Variants in HS3ST5 observed in about 807,000 individuals in gnomAD.
HS3ST5 encodes the protein heparan sulfate glucosamine 3-O-sulfotransferase 5.
HS3ST5 carries 10 observed loss-of-function variants against 25.4 expected under a neutral mutation model. The observed-to-expected ratio is 0.39, with a 90% CI of 0.24 to 0.67. The LOEUF is 0.67. Among genes scored for constraint, HS3ST5 ranks in the 30% least tolerant of loss-of-function variants. HS3ST5 has a pLI of 0.44. For missense variants in HS3ST5, 324 were observed against 420.7 expected (o/e 0.77, Z 2.01); for synonymous variants, 170 against 162.4 (o/e 1.05, Z -0.36).
chr6:114,242,563 T>C (rs1264648422), intron 1 of HS3ST5, among the ~76,000 whole-genome samples: 1 of 152,222 alleles, frequency 6.6e-6, no homozygotes, highest in Non-Finnish European at 1.5e-5. Context: ...CCATTATCCA[T>C]GCCCACTGCT....
At chr6:114,304,516 G>A (rs937782677) in intron 1 of HS3ST5, among the ~76,000 whole-genome samples, 19 of 151,972 alleles carry the variant, frequency 1.3e-4, no homozygotes, top group African/African-American at 4.6e-4. Context: ...GGCAAAAGAA[G>A]CTTTATTTTG....
chr6:114,201,183 C>T (rs1276341639), intron 2 of HS3ST5, among the ~76,000 whole-genome samples: 2 of 152,162 alleles, frequency 1.3e-5, no homozygotes, highest in Non-Finnish European at 2.9e-5. Flanking sequence ...CTCCATAAAC[C>T]TGCTCCTCAA....
At chr6:114,163,317 G>A (rs181085485) in intron 3 of HS3ST5, among the ~76,000 whole-genome samples, 16 of 152,088 alleles carry the variant, frequency 1.1e-4, no homozygotes, top group Admixed American at 7.9e-4. Context: ...CATATTCGTC[G>A]GGCTAATACT....
At chr6:114,096,029 T>A (rs533111266) in intron 3 of HS3ST5, among the ~76,000 whole-genome samples, 20 of 152,272 alleles carry the variant, frequency 1.3e-4, no homozygotes, top group Non-Finnish European at 2.5e-4. Flanking sequence ...TTTTCCAGCA[T>A]TTGTAAGACT....
intron 1 of HS3ST5, among the ~76,000 whole-genome samples, chr6:114,234,630 G>A (rs1771768691): frequency 6.6e-6 from 1 of 152,050 alleles, no homozygotes; most frequent in Admixed American, 6.6e-5. Context: ...AAGATTAACG[G>A]AATGATGGAA....
chr6:114,069,467 C>A (rs1773657441), intron 3 of HS3ST5, among the ~76,000 whole-genome samples: 1 of 151,842 alleles, frequency 6.6e-6, no homozygotes, highest in Admixed American at 6.6e-5. Context: ...AGAACATGAC[C>A]CCATGATTGC....
chr6:114,148,974 G>A (rs953720763), intron 3 of HS3ST5, among the ~76,000 whole-genome samples: 2 of 152,148 alleles, frequency 1.3e-5, no homozygotes, highest in Non-Finnish European at 2.9e-5. Flanking sequence ...AAACAAACAT[G>A]AAAGAAAGCT....
chr6:114,312,619 G>T (rs1454611083), intron 1 of HS3ST5, among the ~76,000 whole-genome samples: 1 of 151,898 alleles, frequency 6.6e-6, no homozygotes, highest in Admixed American at 6.6e-5. Context: ...AAATATTTCT[G>T]ATACATGTAA....
chr6:114,080,851 T>G (rs548936191), intron 3 of HS3ST5, among the ~76,000 whole-genome samples: 1 of 151,744 alleles, frequency 6.6e-6, no homozygotes, highest in East Asian at 1.9e-4. Context: ...ACCTGGGTGA[T>G]GGTACCATTT....
chr6:114,267,433 T>C (rs1773454445), intron 1 of HS3ST5, among the ~76,000 whole-genome samples: 1 of 152,060 alleles, frequency 6.6e-6, no homozygotes, highest in South Asian at 2.1e-4. Flanking sequence ...TTATGCAGGA[T>C]GTTAAGAATA....
At chr6:114,078,950 A>G (rs1376379891) in intron 3 of HS3ST5, among the ~76,000 whole-genome samples, 1 of 152,238 alleles carries the variant, frequency 6.6e-6, no homozygotes, top group African/African-American at 2.4e-5. Context: ...AGTTATGTTT[A>G]CACTATATTG....
chr6:114,070,550 T>TG (rs1773756052), intron 3 of HS3ST5, among the ~76,000 whole-genome samples: 1 of 152,142 alleles, frequency 6.6e-6, no homozygotes, highest in African/African-American at 2.4e-5. Context: ...TAGTAGATGA[T>TG]CAAAATACCA....
intron 1 of HS3ST5, among the ~76,000 whole-genome samples, chr6:114,280,205 A>G (rs1774044809): frequency 6.6e-6 from 1 of 151,980 alleles, no homozygotes; most frequent in Non-Finnish European, 1.5e-5. Flanking sequence ...GAAAACACAA[A>G]GAATGTGGAA....
At chr6:114,123,578 G>A (rs767616265) in intron 3 of HS3ST5, among the ~76,000 whole-genome samples, 1 of 152,036 alleles carries the variant, frequency 6.6e-6, no homozygotes. Flanking sequence ...CTAACATAAG[G>A]TCTCCTTTCC....
chr6:114,273,277 G>A (rs1773709757), intron 1 of HS3ST5, among the ~76,000 whole-genome samples: 1 of 152,048 alleles, frequency 6.6e-6, no homozygotes, highest in Admixed American at 6.6e-5. Context: ...CTAAGCAATT[G>A]TAAGGACACT....
At chr6:114,154,551 C>G (rs910991039) in intron 3 of HS3ST5, among the ~76,000 whole-genome samples, 2 of 152,150 alleles carry the variant, frequency 1.3e-5, no homozygotes, top group Non-Finnish European at 1.5e-5. Context: ...AAACAATATT[C>G]ATTGTAACTG....
chr6:114,193,444 G>A (rs964555495), intron 2 of HS3ST5, among the ~76,000 whole-genome samples: 9 of 152,196 alleles, frequency 5.9e-5, no homozygotes, highest in African/African-American at 2.2e-4. Flanking sequence ...AGTTTGGTGT[G>A]TTTGGGGACT....
rs570202815 is a variant in HS3ST5, at chr6:114,109,276, A to G, written c.-32-46399T>C. Among the ~76,000 whole-genome samples, 18 of 151,878 alleles carry G rather than the reference A, an allele frequency of 1.2e-4. No homozygotes were observed. The East Asian group carries it at 1.5e-3, about 13-fold the overall frequency. ...TTTGTATCTATATGTGTGTGTGTAT[A>G]TATATATATATGCATTTATGTATTA... On this transcript the variant is annotated intron_variant, in intron 3 of 4. Transcript: ENST00000312719.
intron 1 of HS3ST5, among the ~76,000 whole-genome samples, chr6:114,240,291 CATTCATAAAGCACCA>C (rs1040831016): frequency 7.9e-5 from 12 of 152,172 alleles, no homozygotes; most frequent in Admixed American, 2.0e-4. Context: ...AGCTGCTTTT[CATTCATAAAGCACCA>C]ATTCATAAAG....
Sources: allele counts gnomAD v4.1 joint callset (sites outside exome capture counted in the v4.1 genomes callset), GRCh38; gene constraint gnomAD v4.1.1; transcripts MANE v1.5; gene names NCBI Gene and HGNC (gene_info 2026-07-23, HGNC 2026-07-21).